Variants in CD5L observed in about 807,000 individuals in gnomAD.
The protein encoded by CD5L is CD5 antigen-like.
CD5L carries 39 observed loss-of-function variants against 40.8 expected under a neutral mutation model. The observed-to-expected ratio is 0.96, with a 90% CI of 0.74 to 1.25. The LOEUF (loss-of-function observed/expected upper bound fraction) is 1.25, where lower values mean the gene tolerates loss of function less well. Among genes scored for constraint, CD5L ranks in the 50% most tolerant of loss-of-function variants. The pLI is 0.00. For synonymous variants in CD5L, 192 were observed against 169.6 expected, an observed-to-expected ratio of 1.13 and a Z score of -1.03; for missense variants, 433 against 435.9, an observed-to-expected ratio of 0.99 and a Z score of 0.06.
In CD5L at chr1:157,834,525, G is replaced by A. The variant is rs761037991; in HGVS notation, c.600C>T (p.Pro200=). ...AGCATGACATCTGGCTCAGCCAGAT[G>A]GGTTTTCGGCCATAGGCATGCTTGT... ...RCNKHAYGRK[P]IWLSQMSCSG... The change falls in exon 4 of 6, where the codon CCC becomes CCT. Residue 200 remains proline, a synonymous_variant. Transcript: ENST00000368174. 1 of 1,614,230 alleles carries A rather than the reference G, an allele frequency of 6.2e-7. No homozygotes were observed. Among genetic ancestry groups the A allele is most frequent in the South Asian group, 1.1e-5 (1 of 91,080 alleles).
intron 1 of CD5L, among the ~76,000 whole-genome samples, chr1:157,839,790 CGGTGGA>C (rs1233278519): frequency 1.3e-5 from 2 of 152,216 alleles, no homozygotes; most frequent in East Asian, 1.9e-4. Context: ...ATGCACTGGC[CGGTGGA>C]GGTAAAGATG....
At chr1:157,835,123 C>G (rs1000101741) in intron 3 of CD5L, among the ~76,000 whole-genome samples, 1 of 152,194 alleles carries the variant, frequency 6.6e-6, no homozygotes, top group Non-Finnish European at 1.5e-5. Context: ...AACTAAATAT[C>G]TCAGATTAGT....
chr1:157,832,687 G>A (rs1656080414), intron 5 of CD5L, among the ~76,000 whole-genome samples: 1 of 152,122 alleles, frequency 6.6e-6, no homozygotes, highest in African/African-American at 2.4e-5. Context: ...TAAAATCTAG[G>A]AGTGATGACA....
intron 4 of CD5L, among the ~76,000 whole-genome samples, chr1:157,833,769 CTTTT>C (rs760277537): frequency 3.5e-5 from 4 of 114,524 alleles, no homozygotes; most frequent in African/African-American, 1.4e-4. Flanking sequence ...CAAAGCTCAG[CTTTT>C]TTTTTTTTTT....
rs184337042 is a variant in CD5L at position 157,835,301 on chromosome 1, C to T, written c.376+534G>A. Among the ~76,000 whole-genome samples the T allele has an allele frequency of 1.2e-3, 179 of 152,256 alleles. 1 individual carries two copies. Among genetic ancestry groups the T allele is most frequent in the African/African-American group, 4.0e-3 (167 of 41,534 alleles). On this transcript the variant is annotated intron_variant, in intron 3 of 5. Coordinates refer to ENST00000368174, the MANE Select transcript of CD5L (RefSeq NM_005894.3). ...AACAAAAGAGAAGAGACTACTCATA[C>T]ATATAAAGCAAGTATGTGGGGGGAA...
At chr1:157,840,395 A>C (rs1249986617) in intron 1 of CD5L, among the ~76,000 whole-genome samples, 1 of 152,172 alleles carries the variant, frequency 6.6e-6, no homozygotes, top group Non-Finnish European at 1.5e-5. Flanking sequence ...CCCATCTTAT[A>C]GGATTTTTCA....
downstream of CD5L, among the ~76,000 whole-genome samples, chr1:157,829,824 C>T (rs939813220): frequency 6.6e-5 from 10 of 152,120 alleles, no homozygotes; most frequent in African/African-American, 2.4e-4. Flanking sequence ...TGTCACAGAA[C>T]CCAAGGCCAG....
chr1:157,834,343 T>C (rs977827934), intron 4 of CD5L, 64 bp downstream of exon 4: 2 of 1,355,922 alleles, frequency 1.5e-6, no homozygotes, highest in Admixed American at 4.2e-5. Context: ...TAAATACTGT[T>C]TGAATGAGAT....
chr1:157,827,128 A>C (rs1382899326), downstream of CD5L, among the ~76,000 whole-genome samples: 1 of 152,190 alleles, frequency 6.6e-6, no homozygotes, highest in Admixed American at 6.5e-5. Context: ...TTTATATCTA[A>C]TTAGATTATA....
At chr1:157,833,651 G>T in intron 4 of CD5L, 139 bp from the exon 5 acceptor site, 1 of 710,636 alleles carries the variant, frequency 1.4e-6, no homozygotes, top group Non-Finnish European at 2.3e-6. Context: ...TGTTGCCCAG[G>T]CTGGAGTGTA....
At chr1:157,829,850 C>T (rs1656001120), downstream of CD5L, among the ~76,000 whole-genome samples, 1 of 152,062 alleles carries the variant, frequency 6.6e-6, no homozygotes, top group Non-Finnish European at 1.5e-5. Flanking sequence ...CCATTTGACC[C>T]CAGGAAGAGG....
chr1:157,835,990 G>A lies in CD5L; in HGVS notation c.221C>T (p.Pro74Leu). The change falls in exon 3 of 6, where the codon CCT (proline) becomes CTT (leucine). Residue 74 changes from proline (P) to leucine (L), a missense_variant. Coordinates refer to ENST00000368174, the MANE Select transcript of CD5L (RefSeq NM_005894.3). ...ELGCGAASGT[P>L]SGILYEPPAE... ...TGGTGGCTCATACAAAATACCACTA[G>A]GGGTTCCGCTGGCAGCTCCACAGCC... The A allele has an allele frequency of 6.2e-7, 1 of 1,614,146 alleles. No homozygotes were observed. Among genetic ancestry groups the A allele is most frequent in the Non-Finnish European group, 8.5e-7 (1 of 1,180,026 alleles).
Position 157,831,181 on chromosome 1 carries a change from C to G in CD5L, c.*783G>C. On this transcript the variant is annotated 3_prime_UTR_variant, in exon 6 of 6. Transcript: ENST00000368174. ...CTCTTTCTTGACCTTTTCCCAGTAA[C>G]CAATATATTTTTCTTTGAATAAAGT... 7.1e-6 allele frequency: 7 copies of G among 985,210 alleles called. No individual in the cohort carries two copies. The highest frequency in any genetic ancestry group is 8.4e-6 in the Non-Finnish European group (7 of 829,746). The allele number at this position is 985,210 out of a possible 1,614,324, so 61.0% of individuals were successfully genotyped here.
At chr1:157,835,720 G>T (rs1656192762) in intron 3 of CD5L, 115 bp downstream of exon 3, 2 of 800,684 alleles carry the variant, frequency 2.5e-6, no homozygotes, top group Admixed American at 2.3e-5. Context: ...GATGTGGGGG[G>T]TGAGGGGCCA....
downstream of CD5L, among the ~76,000 whole-genome samples, chr1:157,830,360 CT>C (rs1656014456): frequency 6.6e-6 from 1 of 152,128 alleles, no homozygotes; most frequent in South Asian, 2.1e-4. Context: ...AATTCATTCT[CT>C]CTTCAGTGTT....
chr1:157,828,414 T>A (rs904257112), downstream of CD5L, among the ~76,000 whole-genome samples: 1 of 152,146 alleles, frequency 6.6e-6, no homozygotes, highest in Non-Finnish European at 1.5e-5. Flanking sequence ...CTATGTCCCC[T>A]CAAGTGCCCG....
rs1484414919 is a variant in CD5L, at chr1:157,833,256, G to T, written c.975C>A (p.Cys325Ter). ...CGTGAAACCCCCAAAATCTGTGCTG[G>T]CACTGCTCCAGGGACTGCTCCTCCC... is the stretch of plus-strand genomic sequence containing the variant. ...CSGEEQSLEQ[C>*]QHRFWGFHDC... is the part of the protein sequence containing the mutation. Residue 325 changes from cysteine (C) to a stop codon, truncating the protein, a stop_gained, in exon 5 of 6, where the codon TGC (cysteine) becomes TGA (stop). Transcript: ENST00000368174. LOFTEE classifies it high-confidence loss of function. 9.3e-6 allele frequency: 15 copies of T among 1,614,012 alleles called. No individual in the cohort carries two copies. The highest frequency in any genetic ancestry group is 9.3e-6 in the Non-Finnish European group (11 of 1,180,024).
At chr1:157,840,605 T>G (rs144929459) in intron 1 of CD5L, among the ~76,000 whole-genome samples, 6 of 152,314 alleles carry the variant, frequency 3.9e-5, no homozygotes, top group African/African-American at 1.4e-4. Context: ...AAGGTTATAT[T>G]ATACATATGG....
At chr1:157,838,798 C>A (rs1219211149) in intron 2 of CD5L, among the ~76,000 whole-genome samples, 1 of 151,970 alleles carries the variant, frequency 6.6e-6, no homozygotes, top group Non-Finnish European at 1.5e-5. Context: ...GAAGGGGAGA[C>A]TGGAAGGATA....
Sources: allele counts gnomAD v4.1 joint callset (sites outside exome capture counted in the v4.1 genomes callset), GRCh38; gene constraint gnomAD v4.1.1; transcripts MANE v1.5; gene names NCBI Gene and HGNC (gene_info 2026-07-23, HGNC 2026-07-21).